The following SRPK2 variants were observed in gnomAD, a reference collection of about 807,000 sequenced individuals.
The protein encoded by SRPK2 is SFRS protein kinase 2.
In SRPK2, 21 loss-of-function variants were observed where a neutral mutation model predicts 90.8. The ratio of observed to expected loss-of-function variants is 0.23; its 90% CI spans 0.16 to 0.33. SRPK2 has a LOEUF of 0.33. Among genes scored for constraint, SRPK2 ranks in the 10% least tolerant of loss-of-function variants. SRPK2 has a pLI of 1.00. For missense variants in SRPK2, 620 were observed against 869.0 expected, an observed-to-expected ratio of 0.71 and a Z score of 3.60; for synonymous variants, 288 against 311.1, an observed-to-expected ratio of 0.93 and a Z score of 0.78.
chr7:105,357,105 G>A (rs554261368), intron 2 of SRPK2, among the ~76,000 whole-genome samples: 2 of 150,186 alleles, frequency 1.3e-5, no homozygotes, highest in African/African-American at 2.5e-5. Context: ...GTGCGATCTC[G>A]GCCTCACTGC....
chr7:105,243,961 C>A (rs770390355), intron 2 of SRPK2, among the ~76,000 whole-genome samples: 1 of 152,120 alleles, frequency 6.6e-6, no homozygotes, highest in Non-Finnish European at 1.5e-5. Context: ...CCCAACTCTG[C>A]CATTAATAAG....
intron 2 of SRPK2, among the ~76,000 whole-genome samples, chr7:105,295,915 G>A (rs553975131): frequency 6.6e-6 from 1 of 152,272 alleles, no homozygotes; most frequent in African/African-American, 2.4e-5. Flanking sequence ...CAAATTCTCA[G>A]TATACAGGAT....
chr7:105,123,173 T>G (rs1204259610), intron 15 of SRPK2, among the ~76,000 whole-genome samples: 2 of 152,186 alleles, frequency 1.3e-5, no homozygotes, highest in Non-Finnish European at 2.9e-5. Flanking sequence ...GTCCAGCAAA[T>G]TAACCTTAAG....
chr7:105,271,732 C>T (rs1191811881), intron 2 of SRPK2, among the ~76,000 whole-genome samples: 3 of 152,234 alleles, frequency 2.0e-5, no homozygotes, highest in African/African-American at 7.2e-5. Flanking sequence ...CCATCCGTTC[C>T]CTTGACCATG....
In SRPK2 at chr7:105,181,489, T is replaced by A. The variant is rs76311568; in HGVS notation, c.230-12224A>T. Among the ~76,000 whole-genome samples, 950 of 152,212 alleles carry A rather than the reference T, an allele frequency of 6.2e-3. 9 individuals carry two copies. Among genetic ancestry groups the A allele is most frequent in the African/African-American group, 0.022 (919 of 41,516 alleles). On this transcript the variant is annotated intron_variant, in intron 3 of 15. Coordinates refer to ENST00000393651, the MANE Select transcript of SRPK2 (RefSeq NM_182692.3). ...CAATGCTCATCAACAGTAGACTGGA[T>A]AAAGAAACCGTGGTACACATATACC...
At chr7:105,233,120 GAA>G (rs1799700025) in intron 2 of SRPK2, among the ~76,000 whole-genome samples, 2 of 147,360 alleles carry the variant, frequency 1.4e-5, no homozygotes, top group African/African-American at 5.0e-5. Flanking sequence ...AGGAAGGAAG[GAA>G]GGAAGGAAGG....
At chr7:105,252,858 C>T (rs1299314239) in intron 2 of SRPK2, among the ~76,000 whole-genome samples, 1 of 151,630 alleles carries the variant, frequency 6.6e-6, no homozygotes, top group Non-Finnish European at 1.5e-5. Flanking sequence ...ATTCTCATGC[C>T]TCAGCCTCCC....
chr7:105,170,963 GAAAGAGAAAGAAAGAGAA>G (rs1308561038), intron 3 of SRPK2, among the ~76,000 whole-genome samples: 20 of 29,818 alleles, frequency 6.7e-4, no homozygotes, highest in Non-Finnish European at 1.5e-3. Context: ...AAGAAAGAAA[GAAAGAGAAAGAAAGAGAA>G]AGAAAGAAAG....
chr7:105,314,107 G>A (rs903110086), intron 2 of SRPK2, among the ~76,000 whole-genome samples: 10 of 152,036 alleles, frequency 6.6e-5, no homozygotes, highest in Admixed American at 3.9e-4. Flanking sequence ...GAGGCTGGCC[G>A]GTAATTTGAG....
intron 11 of SRPK2, among the ~76,000 whole-genome samples, chr7:105,138,519 C>T (rs1251985165): frequency 6.6e-6 from 1 of 152,184 alleles, no homozygotes; most frequent in Non-Finnish European, 1.5e-5. Context: ...TGATATTAGG[C>T]CAGGTGTGAT....
intron 2 of SRPK2, among the ~76,000 whole-genome samples, chr7:105,359,150 CTTTTTTTTTTTTTTT>C (rs35765090): frequency 1.8e-5 from 1 of 54,796 alleles, no homozygotes; most frequent in East Asian, 7.0e-4. Flanking sequence ...CAAACCACAG[CTTTTTTTTTTTTTTT>C]TTTTTTTTTT....
At chr7:105,384,038 C>A (rs1175065481) in intron 2 of SRPK2, among the ~76,000 whole-genome samples, 2 of 152,010 alleles carry the variant, frequency 1.3e-5, no homozygotes, top group Non-Finnish European at 2.9e-5. Context: ...AATTAGATAA[C>A]GGCTGCACAA....
chr7:105,317,891 G>T (rs779417115), intron 2 of SRPK2, among the ~76,000 whole-genome samples: 1 of 151,852 alleles, frequency 6.6e-6, no homozygotes, highest in Non-Finnish European at 1.5e-5. Context: ...TGGGACTATA[G>T]GTGTGCACCA....
At chr7:105,383,219 C>T (rs1821160233) in intron 2 of SRPK2, among the ~76,000 whole-genome samples, 1 of 151,158 alleles carries the variant, frequency 6.6e-6, no homozygotes, top group South Asian at 2.1e-4. Context: ...TGCCCGCCAC[C>T]ATGCCCGGCT....
At chr7:105,203,831 T>C (rs34629963) in intron 2 of SRPK2, 46 bp from the exon 3 acceptor site, 15,962 of 1,548,922 alleles carry the variant, frequency 0.01, 115 homozygotes, top group Non-Finnish European at 0.012. Context: ...AAGTACATCT[T>C]GCATTATGGA....
chr7:105,239,209 C>A (rs1563128480), intron 2 of SRPK2, among the ~76,000 whole-genome samples: 1 of 152,184 alleles, frequency 6.6e-6, no homozygotes, highest in Admixed American at 6.5e-5. Context: ...CTATATAGCA[C>A]AATTTAATCA....
chr7:105,218,252 C>A (rs1397405063), intron 2 of SRPK2, among the ~76,000 whole-genome samples: 2 of 152,222 alleles, frequency 1.3e-5, no homozygotes, highest in African/African-American at 4.8e-5. Context: ...TAAAATGCTA[C>A]ACAAAGTTAA....
chr7:105,143,713 CA>C, intron 9 of SRPK2: 1 of 203,034 alleles, frequency 4.9e-6, no homozygotes, highest in African/African-American at 2.3e-5. Context: ...TCCTCAATGC[CA>C]AAAATGAAAC....
At chr7:105,319,550 T>A (rs1812701978) in intron 2 of SRPK2, among the ~76,000 whole-genome samples, 1 of 104,510 alleles carries the variant, frequency 9.6e-6, no homozygotes, top group South Asian at 3.8e-4. Context: ...TATAAGCCCC[T>A]TTAAACACTT....
Sources: allele counts gnomAD v4.1 joint callset (sites outside exome capture counted in the v4.1 genomes callset), GRCh38; gene constraint gnomAD v4.1.1; transcripts MANE v1.5; gene names NCBI Gene and HGNC (gene_info 2026-07-23, HGNC 2026-07-21).